ADD1: variants seen among roughly 807,000 people sequenced by gnomAD.
ADD1 encodes alpha-adducin.
A neutral mutation model predicts 80.5 loss-of-function variants in ADD1; 24 were observed. That is an observed-to-expected ratio of 0.30 (90% CI 0.22 to 0.42). The LOEUF is 0.42. Among genes scored for constraint, ADD1 ranks in the 10% least tolerant of loss-of-function variants. The pLI is 1.00. For missense variants in ADD1, 948 were observed against 1,019.0 expected, an observed-to-expected ratio of 0.93 and a Z score of 0.95; for synonymous variants, 373 against 393.8, an observed-to-expected ratio of 0.95 and a Z score of 0.63.
intron 1 of ADD1, among the ~76,000 whole-genome samples, chr4:2,850,683 C>A (rs1470048356): frequency 6.6e-6 from 1 of 152,184 alleles, no homozygotes; most frequent in Non-Finnish European, 1.5e-5. Context: ...CCTCGGCCTC[C>A]CAAAGTGCTG....
chr4:2,856,153 A>C (rs1728029727), intron 1 of ADD1, among the ~76,000 whole-genome samples: 1 of 151,850 alleles, frequency 6.6e-6, no homozygotes, highest in African/African-American at 2.4e-5. Flanking sequence ...CAGCCTTCCA[A>C]AGTGCTAGGA....
At chr4:2,880,883 T>C (rs1732199583) in intron 2 of ADD1, among the ~76,000 whole-genome samples, 1 of 152,046 alleles carries the variant, frequency 6.6e-6, no homozygotes, top group Admixed American at 6.6e-5. Context: ...TCACCATCAA[T>C]CCAATTGCAC....
intron 4 of ADD1, among the ~76,000 whole-genome samples, chr4:2,890,516 C>T (rs1196348028): frequency 1.3e-5 from 2 of 152,198 alleles, no homozygotes; most frequent in African/African-American, 4.8e-5. Context: ...ACGCCATTCT[C>T]CTGCCTCAAC....
chr4:2,882,091 C>A (rs747919792), intron 3 of ADD1, 31 bp downstream of exon 3: 1 of 1,545,972 alleles, frequency 6.5e-7, no homozygotes, highest in African/African-American at 1.4e-5. Context: ...AATATATGTT[C>A]TGTAGTTTTC....
At chr4:2,905,501 G>A in intron 10 of ADD1, 1 of 192,730 alleles carries the variant, frequency 5.2e-6, no homozygotes, top group Non-Finnish European at 1.1e-5. Flanking sequence ...AACTCCAGTG[G>A]TTTCAAGTCA....
At chr4:2,892,477 C>G (rs1032023903) in intron 4 of ADD1, among the ~76,000 whole-genome samples, 5 of 152,012 alleles carry the variant, frequency 3.3e-5, no homozygotes, top group African/African-American at 1.2e-4. Flanking sequence ...GGGAGAAAAA[C>G]ATACTGTGGA....
At chr4:2,895,783 T>C (rs1167834756) in intron 6 of ADD1, among the ~76,000 whole-genome samples, 2 of 152,210 alleles carry the variant, frequency 1.3e-5, no homozygotes, top group African/African-American at 4.8e-5. Flanking sequence ...CTCAATGTCA[T>C]GTGAAAGCAC....
intron 1 of ADD1, among the ~76,000 whole-genome samples, chr4:2,859,066 G>C (rs868036006): frequency 6.6e-6 from 1 of 152,074 alleles, no homozygotes. Context: ...ATGTCTGTGG[G>C]GAGAAGGGAT....
intron 1 of ADD1, among the ~76,000 whole-genome samples, chr4:2,858,036 G>A (rs1728326108): frequency 6.6e-6 from 1 of 152,104 alleles, no homozygotes; most frequent in South Asian, 2.1e-4. Context: ...CATTGTAATA[G>A]CTCTTGCCTT....
intron 11 of ADD1, 93 bp from the exon 12 acceptor site, chr4:2,908,422 A>G (rs1737426753): frequency 4.5e-6 from 5 of 1,114,620 alleles, no homozygotes; most frequent in South Asian, 1.3e-5. Flanking sequence ...TGTAGCTTCC[A>G]TGTGGCTGGG....
At position 2,904,927 on chromosome 4, in the gene ADD1, G is replaced by A. The variant is rs1363192098; in HGVS notation, c.1325G>A (p.Arg442Gln). 4.3e-6 allele frequency: 7 copies of A among 1,614,030 alleles called. No individual in the cohort carries two copies. Among genetic ancestry groups the A allele is most frequent in the African/African-American group, 1.3e-5 (1 of 74,922 alleles). The part of the protein sequence containing the change: ...PLRHSFQKQQ[R>Q]EKTRWLNSGR... ...AGACACAGTTTTCAGAAGCAGCAGC[G>A]GGAGAAGACAAGATGGCTGAACTCT... Residue 442 changes from arginine to glutamine, a missense_variant, in exon 10 of 16, where the codon CGG (arginine) becomes CAG (glutamine). Physicochemically the swap from Arg to Gln is conservative, Grantham distance 43. Coordinates refer to ENST00000683351, the MANE Select transcript of ADD1 (RefSeq NM_001354761.2).
rs975527673 is a variant in ADD1 at position 2,926,272 on chromosome 4, T to C, written c.2047+160T>C. On this transcript the variant is annotated intron_variant, in intron 15 of 15. Transcript: ENST00000683351. This position sits in a 1 kb window ranked among gnomAD's most constrained non-coding sequence, Gnocchi z 5.0. Reference sequence around the variant, plus strand: ...TTCTCCTCCTATATTGCTTCTGTCCTGGGTAACTCCAGGCAAAACAGATTT... The same window carrying C: ...TTCTCCTCCTATATTGCTTCTGTCCCGGGTAACTCCAGGCAAAACAGATTT... 3.9e-6 allele frequency: 3 copies of C among 762,972 alleles called. No individual in the cohort carries two copies. The highest frequency in any genetic ancestry group is 2.7e-5 in the East Asian group (1 of 37,348). 47.3% of individuals were successfully genotyped at this position (762,972 alleles called of 1,614,324 possible).
chr4:2,893,996 A>C lies in ADD1; in HGVS notation c.511-17A>C. The C allele has an allele frequency of 6.2e-7, 1 of 1,609,538 alleles. No homozygotes were observed. The highest frequency in any genetic ancestry group is 8.5e-7 in the Non-Finnish European group (1 of 1,176,074). On this transcript the variant is annotated splice_polypyrimidine_tract_variant and intron_variant, in intron 4 of 15. Transcript: ENST00000683351. ...TTCACTTGGATCTTTGAGCTAATTC[A>C]GTCATTTTCCCCACAGACCAGAGTG...
intron 6 of ADD1, 113 bp downstream of exon 6, chr4:2,894,844 AAT>A: frequency 2.5e-6 from 3 of 1,202,202 alleles, no homozygotes. Context: ...AATTTTGTTG[AAT>A]ATAAAAAAAA....
chr4:2,929,916 C>A lies in ADD1; in HGVS notation c.*1393C>A, dbSNP rs1212444565. 1 of 152,658 alleles carries A rather than the reference C, an allele frequency of 6.6e-6. No individual in the cohort carries two copies. The highest frequency in any genetic ancestry group is 6.5e-5 in the Admixed American group (1 of 15,288). 9.5% of individuals were successfully genotyped at this position (152,658 alleles called of 1,614,324 possible). On this transcript the variant is annotated 3_prime_UTR_variant, in exon 16 of 16. Coordinates refer to ENST00000683351, the MANE Select transcript of ADD1 (RefSeq NM_001354761.2). ...CTCCTTTACCCCACATATGCAATGA[C>A]TTTTAATTTTCACTTTTGTAGTTTA...
At chr4:2,910,761 A>T (rs1737882667) in intron 13 of ADD1, among the ~76,000 whole-genome samples, 1 of 152,072 alleles carries the variant, frequency 6.6e-6, no homozygotes, top group Non-Finnish European at 1.5e-5. Flanking sequence ...GGGCTTCCTG[A>T]ACGATAGAGG....
intron 1 of ADD1, among the ~76,000 whole-genome samples, chr4:2,850,595 T>G (rs1455560666): frequency 1.3e-5 from 2 of 152,224 alleles, no homozygotes; most frequent in Non-Finnish European, 2.9e-5. Flanking sequence ...CCGGCTAATT[T>G]TTTGTATTTT....
chr4:2,923,946 C>T lies in ADD1; in HGVS notation c.1949-2068C>T, dbSNP rs746438398. Reference sequence around the variant, plus strand: ...CAGCCCCGGCCTCTGTGCAGGGGGACGCTCTGAACGTCCTTACTGTGCTTG... The same window carrying T: ...CAGCCCCGGCCTCTGTGCAGGGGGATGCTCTGAACGTCCTTACTGTGCTTG... On this transcript the variant is annotated intron_variant, in intron 14 of 15. Coordinates refer to ENST00000683351, the MANE Select transcript of ADD1 (RefSeq NM_001354761.2). Among the ~76,000 whole-genome samples, 95 of 152,356 alleles carry T rather than the reference C, an allele frequency of 6.2e-4. 2 individuals carry two copies. The highest frequency in any genetic ancestry group is 2.0e-3 in the African/African-American group (85 of 41,588).
In ADD1 at chr4:2,884,615, T is replaced by C; in HGVS notation, c.459T>C (p.Tyr153=). ...TACGGTGTAAATTGGCAGCGTTTTATAGACTAGCAGATCTCTTTGGGTGGT... is the reference window on the plus strand; with the variant it reads ...TACGGTGTAAATTGGCAGCGTTTTACAGACTAGCAGATCTCTTTGGGTGGT... ...KLLRCKLAAF[Y]RLADLFGWSQ... is the part of the protein sequence containing the mutation. Residue 153 remains tyrosine, a synonymous_variant, in exon 4 of 16, where the codon TAT becomes TAC. Coordinates refer to ENST00000683351, the MANE Select transcript of ADD1 (RefSeq NM_001354761.2). 1 of 1,613,022 alleles carries C rather than the reference T, an allele frequency of 6.2e-7. No individual in the cohort carries two copies. Among genetic ancestry groups the C allele is most frequent in the East Asian group, 2.2e-5 (1 of 44,856 alleles).
Sources: allele counts gnomAD v4.1 joint callset (sites outside exome capture counted in the v4.1 genomes callset), GRCh38; gene constraint gnomAD v4.1.1; non-coding constraint Gnocchi (gnomAD v3.1); transcripts MANE v1.5; gene names NCBI Gene and HGNC (gene_info 2026-07-23, HGNC 2026-07-21).